Variants in VAV3 observed in about 807,000 individuals in gnomAD.
The protein encoded by VAV3 is vav guanine nucleotide exchange factor 3.
A neutral mutation model predicts 131.2 loss-of-function variants in VAV3; 94 were observed. That is an observed-to-expected ratio of 0.72 (90% confidence interval 0.61 to 0.85). VAV3 has a LOEUF of 0.85. Ranked by LOEUF, VAV3 falls within the 40% of genes least tolerant of loss-of-function variation. The probability of loss-of-function intolerance (pLI) is 0.00; values close to 1 mark genes in which losing one functional copy is unlikely to be tolerated. For synonymous variants in VAV3, 349 were observed against 342.0 expected, an observed-to-expected ratio of 1.02 and a Z score of -0.22; for missense variants, 939 against 1,002.7, an observed-to-expected ratio of 0.94 and a Z score of 0.86.
At chr1:107,809,959 A>G (rs951578022) in intron 2 of VAV3, among the ~76,000 whole-genome samples, 1 of 152,230 alleles carries the variant, frequency 6.6e-6, no homozygotes, top group African/African-American at 2.4e-5. Flanking sequence ...ACTTACTGCT[A>G]CTAGAAAATG....
In VAV3 at chr1:107,881,866, G is replaced by A. The variant is rs542765303; in HGVS notation, c.205-6849C>T. Among the ~76,000 whole-genome samples, 409 of 152,150 alleles carry A rather than the reference G, an allele frequency of 2.7e-3. 2 individuals are homozygous for A. The highest frequency in any genetic ancestry group is 5.0e-3 in the Non-Finnish European group (342 of 68,016). On this transcript the variant is annotated intron_variant, in intron 1 of 26. Transcript: ENST00000370056. ...CCACTTTAATGTTAGCAATATTGAC[G>A]CTTAAAAAAGGAAACATTTGAAGGT... is the stretch of plus-strand genomic sequence containing the variant.
At chr1:107,597,171 C>A (rs149184661) in intron 24 of VAV3, among the ~76,000 whole-genome samples, 5 of 149,878 alleles carry the variant, frequency 3.3e-5, no homozygotes, top group Admixed American at 2.0e-4. Context: ...CGAAAAATCA[C>A]TTTTAACTTA....
chr1:107,929,278 ACT>A (rs1673306643), intron 1 of VAV3, among the ~76,000 whole-genome samples: 1 of 93,992 alleles, frequency 1.1e-5, no homozygotes, highest in African/African-American at 4.1e-5. Context: ...ACAGAGTGAC[ACT>A]CTGTCTCAAA....
intron 2 of VAV3, among the ~76,000 whole-genome samples, chr1:107,870,074 G>A (rs142799141): frequency 2.0e-5 from 3 of 152,228 alleles, no homozygotes; most frequent in Non-Finnish European, 4.4e-5. Context: ...TTTTGCAATT[G>A]TGAATTGTGC....
intron 15 of VAV3, among the ~76,000 whole-genome samples, chr1:107,732,058 C>G (rs971731645): frequency 1.4e-4 from 21 of 152,250 alleles, no homozygotes; most frequent in African/African-American, 5.1e-4. Flanking sequence ...CCCAGGAGCC[C>G]AATAACTCTG....
chr1:107,634,938 T>C (rs1654798985), intron 20 of VAV3, among the ~76,000 whole-genome samples: 1 of 150,426 alleles, frequency 6.6e-6, no homozygotes, highest in African/African-American at 2.4e-5. Context: ...TCACACCAGT[T>C]AGAATGGCAA....
chr1:107,590,516 G>A (rs554230369), intron 25 of VAV3, among the ~76,000 whole-genome samples: 19 of 152,252 alleles, frequency 1.2e-4, no homozygotes, highest in Admixed American at 1.2e-3. Context: ...GAGTATTAAT[G>A]ATTCATAAAA....
chr1:107,683,283 G>C (rs758690845), intron 19 of VAV3, among the ~76,000 whole-genome samples: 2 of 152,204 alleles, frequency 1.3e-5, no homozygotes, highest in African/African-American at 2.4e-5. Flanking sequence ...TGCTGACTGT[G>C]GAAAGAGTGC....
chr1:107,833,911 C>T lies in VAV3; in HGVS notation c.321+40990G>A, dbSNP rs990879654. Among the ~76,000 whole-genome samples the T allele has an allele frequency of 2.6e-5, 4 of 152,190 alleles. No individual in the cohort carries two copies. In the South Asian group the frequency reaches 8.3e-4, roughly 32 times the overall value. On this transcript the variant is annotated intron_variant, in intron 2 of 26. Transcript: ENST00000370056. ...CAAGCACTAGCCATGGCAATGCTTACTCGCATGCAATTTTGTTCACAGTGT... is the reference window on the plus strand; with the variant it reads ...CAAGCACTAGCCATGGCAATGCTTATTCGCATGCAATTTTGTTCACAGTGT...
chr1:107,702,811 AC>A, intron 17 of VAV3, among the ~76,000 whole-genome samples: 1 of 145,708 alleles, frequency 6.9e-6, no homozygotes, highest in East Asian at 2.0e-4. Flanking sequence ...AAAAAAAAAA[AC>A]CTGATTTTTC....
chr1:107,574,984 T>C lies in VAV3; in HGVS notation c.2351-786A>G, dbSNP rs1649512622. Among the ~76,000 whole-genome samples, 2 of 30,240 alleles carry C rather than the reference T, an allele frequency of 6.6e-5. 1 individual carries two copies. Among genetic ancestry groups the C allele is most frequent in the African/African-American group, 1.5e-4 (2 of 13,690 alleles). 19.8% of individuals were successfully genotyped at this position (30,240 alleles called of 152,430 possible). A position where few individuals can be genotyped will look rare whatever the true frequency, so the allele number is the denominator to read the frequency against. On this transcript the variant is annotated intron_variant, in intron 25 of 26. Transcript: ENST00000370056. Reference sequence around the variant, plus strand: ...TTCTCTGTGTGTGTGTGTGTGTGTGTGTGTGTGTGCGTGCGTGCGCGCGCG... The same window carrying C: ...TTCTCTGTGTGTGTGTGTGTGTGTGCGTGTGTGTGCGTGCGTGCGCGCGCG...
chr1:107,751,472 C>T (rs1663720233), intron 12 of VAV3, among the ~76,000 whole-genome samples: 1 of 152,134 alleles, frequency 6.6e-6, no homozygotes, highest in Non-Finnish European at 1.5e-5. Flanking sequence ...AAGAAAGACT[C>T]AACCGGAAGG....
chr1:107,850,058 A>T (rs1394942923), intron 2 of VAV3, among the ~76,000 whole-genome samples: 1 of 152,186 alleles, frequency 6.6e-6, no homozygotes, highest in Admixed American at 6.5e-5. Flanking sequence ...ATCATTAAAA[A>T]GTCAGGAAAC....
chr1:107,800,324 G>T (rs1468469893), intron 2 of VAV3, among the ~76,000 whole-genome samples: 2 of 151,996 alleles, frequency 1.3e-5, no homozygotes, highest in Non-Finnish European at 2.9e-5. Context: ...GTATATGAGG[G>T]TTCCATTTTC....
intron 1 of VAV3, among the ~76,000 whole-genome samples, chr1:107,961,506 C>T (rs965837570): frequency 6.6e-6 from 1 of 152,130 alleles, no homozygotes; most frequent in Non-Finnish European, 1.5e-5. Flanking sequence ...ACACTAAAAT[C>T]TAACATATAC....
intron 2 of VAV3, among the ~76,000 whole-genome samples, chr1:107,793,844 G>A (rs1023160004): frequency 2.6e-5 from 4 of 152,208 alleles, no homozygotes; most frequent in Non-Finnish European, 5.9e-5. Context: ...AATAGCCTAA[G>A]CTCTGAATTG....
chr1:107,841,457 C>T (rs776081677), intron 2 of VAV3, among the ~76,000 whole-genome samples: 1 of 152,110 alleles, frequency 6.6e-6, no homozygotes, highest in African/African-American at 2.4e-5. Flanking sequence ...GAAAAGGCAT[C>T]TATAACAAGG....
intron 2 of VAV3, among the ~76,000 whole-genome samples, chr1:107,848,795 C>T (rs778932744): frequency 2.0e-5 from 3 of 152,052 alleles, no homozygotes; most frequent in Admixed American, 6.6e-5. Flanking sequence ...TCTCTGTTTG[C>T]AGATGATATG....
intron 2 of VAV3, among the ~76,000 whole-genome samples, chr1:107,790,426 A>G (rs1666225622): frequency 1.3e-5 from 2 of 152,220 alleles, no homozygotes; most frequent in South Asian, 4.1e-4. Context: ...GAATCAGACA[A>G]GCAAATAGTC....
Sources: allele counts gnomAD v4.1 joint callset (sites outside exome capture counted in the v4.1 genomes callset), GRCh38; gene constraint gnomAD v4.1.1; transcripts MANE v1.5; gene names NCBI Gene and HGNC (gene_info 2026-07-23, HGNC 2026-07-21).